MID2: variants seen among roughly 807,000 people sequenced by gnomAD.
The protein encoded by MID2 is probable E3 ubiquitin-protein ligase MID2.
MID2 carries 13 observed loss-of-function variants against 46.1 expected under a neutral mutation model. The ratio of observed to expected loss-of-function variants is 0.28; its 90% CI spans 0.18 to 0.45. The LOEUF is 0.45. Among genes scored for constraint, MID2 ranks in the 20% least tolerant of loss-of-function variants. The probability of loss-of-function intolerance (pLI) is 1.00; values close to 1 mark genes in which losing one functional copy is unlikely to be tolerated. For synonymous variants in MID2, 199 were observed against 212.3 expected (o/e 0.94, Z 0.55); for missense variants, 431 against 575.4 (o/e 0.75, Z 2.57).
chrX:107,861,077 T>C (rs1931842146), intron 3 of MID2, among the ~76,000 whole-genome samples: 1 of 111,039 alleles, frequency 9.0e-6, no homozygotes, highest in African/African-American at 3.3e-5. Flanking sequence ...GCAAGGGGTA[T>C]GGGATAGGGA....
intron 1 of MID2, among the ~76,000 whole-genome samples, chrX:107,839,032 G>A (rs979617888): frequency 1.8e-5 from 2 of 111,025 alleles, no homozygotes; most frequent in East Asian, 5.6e-4. Context: ...CAGGAGGATC[G>A]CTTGAGCCCA....
chrX:107,914,633 A>C (rs954935369), intron 5 of MID2, among the ~76,000 whole-genome samples: 4 of 112,211 alleles, frequency 3.6e-5, no homozygotes, highest in Admixed American at 2.8e-4. Context: ...TTGCCAAGTG[A>C]ATTTTTCTTT....
chrX:107,926,942 A>G lies in MID2; in HGVS notation c.2077A>G (p.Ile693Val), dbSNP rs1933190798. Residue 693 changes from isoleucine to valine, a missense_variant, in exon 10 of 10, where the codon ATC (isoleucine) becomes GTC (valine). Transcript: ENST00000262843. ...FILPVCPTFTIWNKSLMILSG... is the reference protein window; with the variant it reads ...FILPVCPTFTVWNKSLMILSG... Reference sequence around the variant, plus strand: ...TCTTCCAGTTTGTCCAACATTTACAATCTGGAACAAATCCCTAATGATCCT... The same window carrying G: ...TCTTCCAGTTTGTCCAACATTTACAGTCTGGAACAAATCCCTAATGATCCT... The G allele has an allele frequency of 8.3e-7, 1 of 1,211,344 alleles. No individual in the cohort carries two copies.
chrX:107,912,826 C>T (rs1364169453), intron 5 of MID2, among the ~76,000 whole-genome samples: 1 of 110,817 alleles, frequency 9.0e-6, no homozygotes, highest in Non-Finnish European at 1.9e-5. Flanking sequence ...GAATCATCTA[C>T]TCACCTTCAA....
At chrX:107,848,336 C>G (rs1277762921) in intron 2 of MID2, among the ~76,000 whole-genome samples, 1 of 111,638 alleles carries the variant, frequency 9.0e-6, no homozygotes, top group Non-Finnish European at 1.9e-5. Flanking sequence ...TGAGGGTTAT[C>G]AAAATAAACA....
At chrX:107,886,607 C>A (rs1008051064) in intron 3 of MID2, among the ~76,000 whole-genome samples, 7 of 111,794 alleles carry the variant, frequency 6.3e-5, no homozygotes, top group African/African-American at 1.3e-4. Context: ...GCAGTGCAGG[C>A]TCATTTTTGG....
rs772536514 is a variant in MID2 at position 107,854,194 on chromosome X, C to T, written c.721-415C>T. Among the ~76,000 whole-genome samples the T allele has an allele frequency of 1.3e-4, 15 of 111,913 alleles. No homozygotes were observed. The South Asian group carries it at 5.6e-3, about 42-fold the overall frequency. On this transcript the variant is annotated intron_variant, in intron 2 of 9. Transcript: ENST00000262843. ...AAATGCTCTCTCTGGAACATAACTT[C>T]ATCATAAGTTGAGGGACATGTGTAA...
At chrX:107,859,104 G>C (rs1443383681) in intron 3 of MID2, among the ~76,000 whole-genome samples, 1 of 111,666 alleles carries the variant, frequency 9.0e-6, no homozygotes, top group East Asian at 2.8e-4. Flanking sequence ...CTTTCTGCTC[G>C]TATTGCCCAT....
chrX:107,853,790 A>G (rs960669143), intron 2 of MID2, among the ~76,000 whole-genome samples: 4 of 111,730 alleles, frequency 3.6e-5, no homozygotes, highest in Non-Finnish European at 7.5e-5. Context: ...AAAAACAAAA[A>G]AAGTCATGGA....
At chrX:107,882,956 G>A (rs1932357110) in intron 3 of MID2, among the ~76,000 whole-genome samples, 1 of 111,967 alleles carries the variant, frequency 8.9e-6, no homozygotes, top group Non-Finnish European at 1.9e-5. Flanking sequence ...CAACCCAAAT[G>A]TCCATCAATG....
At position 107,826,556 on chromosome X, in the gene MID2, C is replaced by T. The variant is rs982565468; in HGVS notation, c.4+126C>T. ...GGCGTTGGCCGAGGGCTCTCCGGCT[C>T]GGCGAGGCAGGGTGATGGGGCCCGC... On this transcript the variant is annotated intron_variant, in intron 1 of 9. Transcript: ENST00000262843. The T allele has an allele frequency of 2.6e-5, 22 of 862,381 alleles. No homozygotes were observed. The African/African-American group carries it at 3.6e-4, about 14-fold the overall frequency. The allele number at this position is 862,381 out of a possible 1,213,427, so 71.1% of individuals were successfully genotyped here.
Position 107,866,817 on chromosome X carries a change from A to G in MID2, c.816+12113A>G, listed in dbSNP as rs151156360. Among the ~76,000 whole-genome samples, 461 of 112,352 alleles carry G rather than the reference A, an allele frequency of 4.1e-3. 2 individuals carry two copies. Among genetic ancestry groups the G allele is most frequent in the African/African-American group, 0.014 (442 of 30,929 alleles). ...GAGATGGAAGAAGGCTAACATCATT[A>G]CCATCATTAACATCTATTGTTTATT... is the stretch of plus-strand genomic sequence containing the variant. On this transcript the variant is annotated intron_variant, in intron 3 of 9. Transcript: ENST00000262843.
chrX:107,885,059 A>T (rs752434916), intron 3 of MID2, among the ~76,000 whole-genome samples: 1 of 110,568 alleles, frequency 9.0e-6, no homozygotes, highest in South Asian at 3.8e-4. Context: ...GCAGGTTGAG[A>T]TCCCTTCCCG....
chrX:107,857,320 G>T (rs1931759378), intron 3 of MID2, among the ~76,000 whole-genome samples: 2 of 96,811 alleles, frequency 2.1e-5, no homozygotes, highest in African/African-American at 7.8e-5. Flanking sequence ...TCGCTCTGTT[G>T]CCCAGGCTAG....
intron 3 of MID2, among the ~76,000 whole-genome samples, chrX:107,888,247 C>A (rs1209163760): frequency 4.5e-5 from 5 of 112,067 alleles, no homozygotes; most frequent in Non-Finnish European, 9.4e-5. Context: ...TTCCTGCTTT[C>A]TCTTGTGGGC....
intron 2 of MID2, among the ~76,000 whole-genome samples, chrX:107,846,730 T>G (rs1931490103): frequency 8.9e-6 from 1 of 112,172 alleles, no homozygotes; most frequent in South Asian, 3.7e-4. Flanking sequence ...TTTCCATTGT[T>G]TCTTTGGTTT....
chrX:107,925,492 A>G (rs1360233112), intron 8 of MID2, among the ~76,000 whole-genome samples: 1 of 112,095 alleles, frequency 8.9e-6, no homozygotes, highest in Non-Finnish European at 1.9e-5. Context: ...TGATGATGCA[A>G]CAGTCACTCT....
In MID2 at chrX:107,840,741, T is replaced by A. The variant is rs1297116384; in HGVS notation, c.76T>A (p.Ser26Thr). ...LFSLKMETLE[S>T]ELTCPICLEL... is the part of the protein sequence containing the mutation. ...TTCACTAAAGATGGAAACACTGGAGTCTGAATTGACCTGTCCAATCTGCCT... is the reference window on the plus strand; with the variant it reads ...TTCACTAAAGATGGAAACACTGGAGACTGAATTGACCTGTCCAATCTGCCT... Residue 26 changes from serine (S) to threonine (T), a missense_variant, in exon 2 of 10, where the codon TCT becomes ACT. Physicochemically the swap from Ser to Thr is moderately conservative, Grantham distance 58 (BLOSUM62 1). Coordinates refer to ENST00000262843, the MANE Select transcript of MID2 (RefSeq NM_012216.4). 2.5e-6 allele frequency: 3 copies of A among 1,210,951 alleles called. No individual in the cohort carries two copies. Among genetic ancestry groups the A allele is most frequent in the Non-Finnish European group, 3.4e-6 (3 of 895,270 alleles).
chrX:107,928,147 A>G lies in MID2; in HGVS notation c.*1074A>G, dbSNP rs1933218766. On this transcript the variant is annotated 3_prime_UTR_variant, in exon 10 of 10. Transcript: ENST00000262843. The stretch of plus-strand genomic sequence containing the variant: ...GCTCTTTAGGAACCTACTTTACTTA[A>G]TCAGTAAAAATTGAGTATTATTGAT... 8.9e-6 allele frequency among the ~76,000 whole-genome samples: 1 copy of G among 112,335 alleles called. No homozygotes were observed. Among genetic ancestry groups the G allele is most frequent in the Non-Finnish European group, 1.9e-5 (1 of 53,265 alleles).
Sources: allele counts gnomAD v4.1 joint callset (sites outside exome capture counted in the v4.1 genomes callset), GRCh38; gene constraint gnomAD v4.1.1; transcripts MANE v1.5; gene names NCBI Gene and HGNC (gene_info 2026-07-23, HGNC 2026-07-21).